Variants in AKT3 observed in about 807,000 individuals in gnomAD.
AKT3 encodes the protein AKT serine/threonine kinase 3, also known as RAC-gamma serine/threonine-protein kinase.
In AKT3, 15 loss-of-function variants were observed where a neutral mutation model predicts 65.3. The observed-to-expected ratio is 0.23, with a 90% CI of 0.15 to 0.35. The LOEUF (loss-of-function observed/expected upper bound fraction) is 0.35. Among genes scored for constraint, AKT3 ranks in the 10% least tolerant of loss-of-function variants. The probability of loss-of-function intolerance (pLI) is 1.00; values close to 1 mark genes in which losing one functional copy is unlikely to be tolerated. For synonymous variants in AKT3, 206 were observed against 183.8 expected (o/e 1.12, Z -0.98); for missense variants, 243 against 576.5 (o/e 0.42, Z 5.92).
In AKT3 at chr1:243,502,670, T is replaced by G. The variant is rs1172505316; in HGVS notation, c.*2579A>C. 1 of 233,110 alleles carries G rather than the reference T, an allele frequency of 4.3e-6. No individual in the cohort carries two copies. Among genetic ancestry groups the G allele is most frequent in the Non-Finnish European group, 8.5e-6 (1 of 118,036 alleles). 14.4% of individuals were successfully genotyped at this position (233,110 alleles called of 1,614,324 possible). A position where few individuals can be genotyped will look rare whatever the true frequency, so the allele number is the denominator to read the frequency against. ...CCATGGCAGCTGACAGATCTGGAAG[T>G]GAAAATAGGGGATTCTCAAAATCAA... On this transcript the variant is annotated 3_prime_UTR_variant, in exon 14 of 14. Transcript: ENST00000673466.
intron 2 of AKT3, among the ~76,000 whole-genome samples, chr1:243,772,019 A>G (rs548691593): frequency 5.3e-5 from 8 of 152,318 alleles, no homozygotes; most frequent in Admixed American, 1.3e-4. Flanking sequence ...CATTCCTTAC[A>G]ACTCATACAA....
At chr1:243,835,919 TAAC>T (rs1354436739) in intron 2 of AKT3, among the ~76,000 whole-genome samples, 3 of 151,544 alleles carry the variant, frequency 2.0e-5, no homozygotes, top group African/African-American at 7.3e-5. Context: ...GACACATAAA[TAAC>T]AAGCCAATAG....
intron 2 of AKT3, among the ~76,000 whole-genome samples, chr1:243,736,219 T>C (rs1286059807): frequency 1.3e-5 from 2 of 152,194 alleles, no homozygotes; most frequent in African/African-American, 2.4e-5. Flanking sequence ...TGATAATAAT[T>C]TGGTAACACC....
chr1:243,604,584 C>T (rs1425772424), intron 8 of AKT3, among the ~76,000 whole-genome samples: 1 of 152,162 alleles, frequency 6.6e-6, no homozygotes, highest in African/African-American at 2.4e-5. Context: ...GTTATTCTTA[C>T]GTCTTAGCCT....
chr1:243,680,929 C>CAG (rs1435770974), intron 3 of AKT3, among the ~76,000 whole-genome samples: 3 of 152,262 alleles, frequency 2.0e-5, no homozygotes, highest in African/African-American at 7.2e-5. Flanking sequence ...ATCCATGATA[C>CAG]AGACAGACAG....
intron 8 of AKT3, among the ~76,000 whole-genome samples, chr1:243,575,446 A>G (rs1674868991): frequency 6.6e-6 from 1 of 152,192 alleles, no homozygotes; most frequent in Non-Finnish European, 1.5e-5. Flanking sequence ...GTATACACTT[A>G]ACTCCAAACC....
chr1:243,645,494 A>T (rs2147844236), intron 5 of AKT3, among the ~76,000 whole-genome samples: 1 of 152,348 alleles, frequency 6.6e-6, no homozygotes, highest in African/African-American at 2.4e-5. Flanking sequence ...GGCACCAATC[A>T]GGAAGTACAT....
At chr1:243,829,628 C>T (rs1215386418) in intron 2 of AKT3, among the ~76,000 whole-genome samples, 2 of 152,070 alleles carry the variant, frequency 1.3e-5, no homozygotes, top group African/African-American at 2.4e-5. Context: ...TTCATTTAAG[C>T]AACGTTAAAC....
At chr1:243,629,487 A>T (rs1030102675) in intron 6 of AKT3, among the ~76,000 whole-genome samples, 3 of 152,000 alleles carry the variant, frequency 2.0e-5, no homozygotes, top group African/African-American at 7.2e-5. Flanking sequence ...TGGGTCCCCA[A>T]AATAAGTAGA....
At chr1:243,773,100 T>C (rs1690299013) in intron 2 of AKT3, among the ~76,000 whole-genome samples, 1 of 151,072 alleles carries the variant, frequency 6.6e-6, no homozygotes, top group Non-Finnish European at 1.5e-5. Context: ...GGCGAGTTAA[T>C]GGGTGCAGCA....
At chr1:243,498,966 G>GC (rs1668783262), downstream of AKT3, among the ~76,000 whole-genome samples, 1 of 152,250 alleles carries the variant, frequency 6.6e-6, no homozygotes, top group South Asian at 2.1e-4. Flanking sequence ...GGCGAGGACT[G>GC]TGGCCCAGTC....
chr1:243,567,539 G>C (rs1674257811), intron 9 of AKT3, among the ~76,000 whole-genome samples: 1 of 145,870 alleles, frequency 6.9e-6, no homozygotes, highest in Non-Finnish European at 1.5e-5. Context: ...ATGTTGCCCA[G>C]GCTGGTCCCG....
chr1:243,653,515 A>AT (rs1681534524), intron 4 of AKT3, among the ~76,000 whole-genome samples: 1 of 152,204 alleles, frequency 6.6e-6, no homozygotes, highest in Non-Finnish European at 1.5e-5. Flanking sequence ...CATTATCCTG[A>AT]TAAGAATATG....
chr1:243,680,485 C>T (rs1008381019), intron 3 of AKT3, among the ~76,000 whole-genome samples: 1 of 151,942 alleles, frequency 6.6e-6, no homozygotes, highest in Non-Finnish European at 1.5e-5. Context: ...ATTTCCAACC[C>T]AAAAGAACGC....
intron 2 of AKT3, among the ~76,000 whole-genome samples, chr1:243,701,306 GATGA>G (rs1341394199): frequency 2.0e-5 from 3 of 152,142 alleles, no homozygotes; most frequent in Non-Finnish European, 4.4e-5. Flanking sequence ...AGATCATGTT[GATGA>G]ATATCTGATA....
chr1:243,607,221 A>C (rs1435893160), intron 8 of AKT3, among the ~76,000 whole-genome samples: 1 of 152,174 alleles, frequency 6.6e-6, no homozygotes, highest in Non-Finnish European at 1.5e-5. Flanking sequence ...CCAGAACGGT[A>C]ATCTACTGAC....
At chr1:243,637,229 T>C (rs1188042775) in intron 6 of AKT3, among the ~76,000 whole-genome samples, 2 of 152,110 alleles carry the variant, frequency 1.3e-5, no homozygotes, top group Non-Finnish European at 2.9e-5. Flanking sequence ...TTCAATGTTA[T>C]ATAAGCTTTA....
At chr1:243,546,796 T>C (rs184262242) in intron 11 of AKT3, 1 of 152,308 alleles carries the variant, frequency 6.6e-6, no homozygotes, top group Non-Finnish European at 1.5e-5. Context: ...TATTGTAAAT[T>C]AGTCACCTGA....
At chr1:243,820,331 C>A (rs1693783016) in intron 2 of AKT3, among the ~76,000 whole-genome samples, 1 of 152,176 alleles carries the variant, frequency 6.6e-6, no homozygotes, top group Non-Finnish European at 1.5e-5. Flanking sequence ...GCTGGATAAA[C>A]CCATGAAGAT....
Sources: allele counts gnomAD v4.1 joint callset (sites outside exome capture counted in the v4.1 genomes callset), GRCh38; gene constraint gnomAD v4.1.1; transcripts MANE v1.5; gene names NCBI Gene and HGNC (gene_info 2026-07-23, HGNC 2026-07-21).